Variants in SLX4 observed in about 807,000 individuals in gnomAD.
The protein encoded by SLX4 is structure-specific endonuclease subunit SLX4.
In SLX4, 112 loss-of-function variants were observed where a neutral mutation model predicts 146.2. The ratio of observed to expected loss-of-function variants is 0.77; its 90% CI spans 0.66 to 0.90. The LOEUF (loss-of-function observed/expected upper bound fraction) is 0.90, where lower values mean the gene tolerates loss of function less well. Among genes scored for constraint, SLX4 ranks in the 40% least tolerant of loss-of-function variants. The pLI, the probability that SLX4 is intolerant of heterozygous loss-of-function variation, is 0.00. For synonymous variants in SLX4, 1,061 were observed against 997.7 expected, an observed-to-expected ratio of 1.06 and a Z score of -1.20; for missense variants, 2,563 against 2,392.7, an observed-to-expected ratio of 1.07 and a Z score of -1.49.
rs776018346 is a variant in SLX4 at position 3,608,459 on chromosome 16, G to C, written c.506C>G (p.Ser169Trp). The change falls in exon 2 of 15, where the codon TCG (serine) becomes TGG (tryptophan). Residue 169 changes from serine to tryptophan, a missense_variant. By Grantham distance (177) the Ser-to-Trp change is radical. Coordinates refer to ENST00000294008, the MANE Select transcript of SLX4 (RefSeq NM_032444.4). ...GGTTTTCTCTCTGGAAAGGTTTGGC[G>C]ATGGTTCTTGCTGGTTACCCGTCTG... The part of the protein sequence containing the change: ...NTQTGNQQEP[S>W]PNLSREKTRE... 4.3e-6 allele frequency: 7 copies of C among 1,614,058 alleles called. No individual in the cohort carries two copies. The African/African-American group carries it at 6.7e-5, about 15-fold the overall frequency.
Position 3,582,148 on chromosome 16 carries a change from C to T in SLX4, c.*194G>A, listed in dbSNP as rs192746359. 8.3e-5 allele frequency: 50 copies of T among 603,782 alleles called. No homozygotes were observed. Among genetic ancestry groups the T allele is most frequent in the African/African-American group, 8.0e-4 (43 of 54,050 alleles). 37.4% of individuals were successfully genotyped at this position (603,782 alleles called of 1,614,324 possible). ...GTGGGTGACATGCTCCAAATGCCACCCTAGAAAGCAGAGCCCAGAGGAGGA... is the reference window on the plus strand; with the variant it reads ...GTGGGTGACATGCTCCAAATGCCACTCTAGAAAGCAGAGCCCAGAGGAGGA... On this transcript the variant is annotated 3_prime_UTR_variant, in exon 15 of 15. Transcript: ENST00000294008.
intron 12 of SLX4, among the ~76,000 whole-genome samples, chr16:3,588,101 T>C (rs1419886640): frequency 1.3e-5 from 2 of 152,062 alleles, no homozygotes; most frequent in Admixed American, 6.5e-5. Flanking sequence ...GAAATTCACA[T>C]AAAAAAATCG....
intron 5 of SLX4, among the ~76,000 whole-genome samples, chr16:3,598,771 G>A (rs1380465953): frequency 5.3e-5 from 8 of 152,324 alleles, no homozygotes; most frequent in Admixed American, 1.3e-4. Flanking sequence ...TCCCAGGAAC[G>A]TGGATAATCA....
intron 10 of SLX4, 70 bp downstream of exon 10, chr16:3,594,383 T>C: frequency 1.3e-6 from 2 of 1,560,274 alleles, no homozygotes; most frequent in Admixed American, 1.9e-5. Context: ...TGGGAAGACC[T>C]GGTTGGAGAA....
chr16:3,592,736 G>C lies in SLX4; in HGVS notation c.2290C>G (p.Pro764Ala), dbSNP rs151105762. ...GAGCTCAGCTCAGAGCTAAGGCCAGGAGGAAGGCCAGTGTCCGCAGTGTAG... is the reference window on the plus strand; with the variant it reads ...GAGCTCAGCTCAGAGCTAAGGCCAGCAGGAAGGCCAGTGTCCGCAGTGTAG... ...YLYTADTGLP[P>A]GLSSELSSLA... The change falls in exon 11 of 15, where the codon CCT (proline) becomes GCT (alanine). Residue 764 changes from proline (P) to alanine (A), a missense_variant. Coordinates refer to ENST00000294008, the MANE Select transcript of SLX4 (RefSeq NM_032444.4). The C allele has an allele frequency of 3.7e-4, 603 of 1,613,442 alleles. 1 individual carries two copies. In the African/African-American group the frequency reaches 7.3e-3, roughly 20 times the overall value.
intron 12 of SLX4, among the ~76,000 whole-genome samples, chr16:3,587,444 C>T (rs777511613): frequency 1.3e-5 from 2 of 152,090 alleles, no homozygotes; most frequent in South Asian, 2.1e-4. Flanking sequence ...TGCAGTGAGC[C>T]GAGATAGCCC....
At position 3,606,512 on chromosome 16, in the gene SLX4, A is replaced by G. The variant is rs2040783936; in HGVS notation, c.722T>C (p.Val241Ala). 6.2e-7 allele frequency: 1 copy of G among 1,614,090 alleles called. No individual in the cohort carries two copies. Among genetic ancestry groups the G allele is most frequent in the South Asian group, 1.1e-5 (1 of 91,090 alleles). Residue 241 changes from valine (V) to alanine (A), a missense_variant, in exon 3 of 15, where the codon GTC becomes GCC. Transcript: ENST00000294008. ...CATCTCCTCTTGAGGATCCTTTGGGACATTTTCTTCCCGCGCAGCCTCGAG... is the reference window on the plus strand; with the variant it reads ...CATCTCCTCTTGAGGATCCTTTGGGGCATTTTCTTCCCGCGCAGCCTCGAG... Reference protein sequence around the residue: ...CSLEAAREENVPKDPQEEMMA... With the variant: ...CSLEAAREENAPKDPQEEMMA...
chr16:3,591,350 G>A (rs1244729084), intron 11 of SLX4, 40 bp from the exon 12 acceptor site: 1 of 1,604,242 alleles, frequency 6.2e-7, no homozygotes, highest in African/African-American at 1.3e-5. Context: ...CCCTCTGCGT[G>A]GAGATGGGCT....
intron 12 of SLX4, among the ~76,000 whole-genome samples, chr16:3,588,531 C>A (rs189992920): frequency 6.6e-6 from 1 of 152,186 alleles, no homozygotes; most frequent in Non-Finnish European, 1.5e-5. Context: ...TTGTGAACAG[C>A]GCTTCTATGA....
Position 3,592,717 on chromosome 16 carries a change from A to G in SLX4, c.2309T>C (p.Leu770Pro). 6.2e-7 allele frequency: 1 copy of G among 1,613,320 alleles called. No individual in the cohort carries two copies. Among genetic ancestry groups the G allele is most frequent in the Non-Finnish European group, 8.5e-7 (1 of 1,179,970 alleles). Residue 770 changes from leucine (L) to proline (P), a missense_variant, in exon 11 of 15, where the codon CTG (leucine) becomes CCG (proline). Leu to Pro is a moderately conservative substitution (Grantham distance 98). Coordinates refer to ENST00000294008, the MANE Select transcript of SLX4 (RefSeq NM_032444.4). ...TGLPPGLSSELSSLAHRFGVS... is the reference protein window; with the variant it reads ...TGLPPGLSSEPSSLAHRFGVS... ...TCCAGACCTGTGGGCCAGGGAGCTC[A>G]GCTCAGAGCTAAGGCCAGGAGGAAG...
chr16:3,585,112 C>G (rs759718814), intron 12 of SLX4, among the ~76,000 whole-genome samples: 1 of 152,128 alleles, frequency 6.6e-6, no homozygotes. Flanking sequence ...GAACAGAGCT[C>G]CTGGGGCCAC....
rs762090546 is a variant in SLX4, at chr16:3,590,830, T to C, written c.2808A>G (p.Ser936=). The C allele has an allele frequency of 1.2e-6, 2 of 1,613,918 alleles. No individual in the cohort carries two copies. The highest frequency in any genetic ancestry group is 1.1e-5 in the South Asian group (1 of 91,074). Residue 936 remains serine (S), a synonymous_variant, in exon 12 of 15, where the codon TCA becomes TCG. Coordinates refer to ENST00000294008, the MANE Select transcript of SLX4 (RefSeq NM_032444.4). This position sits in a 1 kb window ranked among gnomAD's most constrained non-coding sequence, Gnocchi z 4.8. ...CALPPPQGQH[S]GARGAEAPEQ... ...CAGGGGCCTCTGCTCCCCGTGCCCC[T>C]GAGTGCTGGCCCTGGGGTGGCGGGA...
intron 5 of SLX4, among the ~76,000 whole-genome samples, chr16:3,600,089 A>G (rs2040709389): frequency 6.6e-6 from 1 of 152,340 alleles, no homozygotes; most frequent in Non-Finnish European, 1.5e-5. Flanking sequence ...TCCATGGGAC[A>G]GGAGTAGGGG....
intron 9 of SLX4, 99 bp from the exon 10 acceptor site, chr16:3,594,698 C>A (rs1043068531): frequency 6.5e-7 from 1 of 1,538,384 alleles, no homozygotes; most frequent in African/African-American, 1.4e-5. Context: ...TAGGGTGGGC[C>A]GGGAGCCAGG....
intron 12 of SLX4, among the ~76,000 whole-genome samples, chr16:3,585,756 A>G (rs1055611737): frequency 2.0e-5 from 3 of 151,414 alleles, no homozygotes; most frequent in Non-Finnish European, 2.9e-5. Flanking sequence ...GGCCATAACA[A>G]AAAACACAGA....
chr16:3,594,593 G>A lies in SLX4; in HGVS notation c.2020C>T (p.Leu674Phe), dbSNP rs777279668. Residue 674 changes from leucine to phenylalanine, a missense_variant, in exon 10 of 15, where the codon CTC becomes TTC. Coordinates refer to ENST00000294008, the MANE Select transcript of SLX4 (RefSeq NM_032444.4). ...CCAAAGTCAGCAACCAGCAGCCCGAGGGAGAGCTGAAGCAGGAGGAGAGGA... is the reference window on the plus strand; with the variant it reads ...CCAAAGTCAGCAACCAGCAGCCCGAAGGAGAGCTGAAGCAGGAGGAGAGGA... The part of the protein sequence containing the change: ...PDRGGRTLLS[L>F]GLLVADFGAM... The A allele has an allele frequency of 1.9e-6, 3 of 1,613,994 alleles. No individual in the cohort carries two copies. Among genetic ancestry groups the A allele is most frequent in the Non-Finnish European group, 2.5e-6 (3 of 1,180,014 alleles).
rs2040579474 is a variant in SLX4 at position 3,590,803 on chromosome 16, C to G, written c.2835G>C (p.Glu945Asp). 4.3e-6 allele frequency: 7 copies of G among 1,614,044 alleles called. No individual in the cohort carries two copies. Among genetic ancestry groups the G allele is most frequent in the Non-Finnish European group, 5.9e-6 (7 of 1,180,004 alleles). The stretch of plus-strand genomic sequence containing the variant: ...CAAGCGCCTCCTCTGGCGCCTCCTG[C>G]TCAGGGGCCTCTGCTCCCCGTGCCC... ...HSGARGAEAP[E>D]QEAPEEALGH... The change falls in exon 12 of 15, where the codon GAG (glutamate) becomes GAC (aspartate). Residue 945 changes from glutamate to aspartate, a missense_variant. Physicochemically the swap from Glu to Asp is conservative, Grantham distance 45. Coordinates refer to ENST00000294008, the MANE Select transcript of SLX4 (RefSeq NM_032444.4). This position sits in a 1 kb window ranked among gnomAD's most constrained non-coding sequence, Gnocchi z 4.8.
At chr16:3,588,519 G>A (rs2040534213) in intron 12 of SLX4, among the ~76,000 whole-genome samples, 3 of 152,168 alleles carry the variant, frequency 2.0e-5, no homozygotes, top group South Asian at 2.1e-4. Flanking sequence ...AGCTTTTGGC[G>A]ATTGTGAACA....
At chr16:3,593,750 T>C (rs959493281) in intron 10 of SLX4, among the ~76,000 whole-genome samples, 1 of 152,212 alleles carries the variant, frequency 6.6e-6, no homozygotes, top group Non-Finnish European at 1.5e-5. Context: ...TCAAGTCAAA[T>C]GCTTTCAAGT....
Sources: allele counts gnomAD v4.1 joint callset (sites outside exome capture counted in the v4.1 genomes callset), GRCh38; gene constraint gnomAD v4.1.1; non-coding constraint Gnocchi (gnomAD v3.1); transcripts MANE v1.5; gene names NCBI Gene and HGNC (gene_info 2026-07-23, HGNC 2026-07-21).